Variants in HTR1F observed in about 807,000 individuals in gnomAD.
HTR1F encodes 5-hydroxytryptamine receptor 1F.
HTR1F carries 17 observed loss-of-function variants against 24.0 expected under a neutral mutation model. That is an observed-to-expected ratio of 0.71 (90% CI 0.48 to 1.06). The LOEUF is 1.06. HTR1F is among the 50% of genes least tolerant of loss of function. The pLI is 0.00. For missense variants in HTR1F, 391 were observed against 427.8 expected (o/e 0.91, Z 0.76); for synonymous variants, 186 against 156.8 (o/e 1.19, Z -1.39).
intron 2 of HTR1F, among the ~76,000 whole-genome samples, chr3:87,887,961 A>G (rs534688296): frequency 2.8e-3 from 420 of 152,294 alleles, no homozygotes; most frequent in Non-Finnish European, 4.0e-3. Context: ...CAGCAATCCC[A>G]TTACTGGGTA....
chr3:87,843,653 A>G (rs1250943698), intron 2 of HTR1F, among the ~76,000 whole-genome samples: 1 of 147,574 alleles, frequency 6.8e-6, no homozygotes, highest in Non-Finnish European at 1.5e-5. Context: ...AGCATTAGGT[A>G]TATCTCCCAG....
intron 2 of HTR1F, among the ~76,000 whole-genome samples, chr3:87,864,215 T>G (rs1279202543): frequency 2.0e-5 from 3 of 152,192 alleles, no homozygotes; most frequent in African/African-American, 7.2e-5. Context: ...TAATTTAACA[T>G]ATTCACAGTT....
intron 2 of HTR1F, among the ~76,000 whole-genome samples, chr3:87,918,820 A>G (rs1044356351): frequency 1.3e-5 from 2 of 152,102 alleles, no homozygotes; most frequent in African/African-American, 4.8e-5. Context: ...TACAAATTCA[A>G]TGCAGTCTCC....
At chr3:87,822,263 G>T (rs1181939894) in intron 2 of HTR1F, among the ~76,000 whole-genome samples, 139 bp downstream of exon 2, 1 of 152,152 alleles carries the variant, frequency 6.6e-6, no homozygotes, top group Admixed American at 6.5e-5. Flanking sequence ...TCCAGGAAAG[G>T]CCAGAGCCAC....
chr3:87,902,543 G>C (rs1256916299), intron 2 of HTR1F, among the ~76,000 whole-genome samples: 2 of 152,084 alleles, frequency 1.3e-5, no homozygotes, highest in African/African-American at 2.4e-5. Context: ...AAAAGATAAA[G>C]ATGGACTTGA....
Position 87,831,440 on chromosome 3 carries a change from G to A in HTR1F, c.-43+9316G>A, listed in dbSNP as rs575112011. On this transcript the variant is annotated intron_variant, in intron 2 of 2. Coordinates refer to ENST00000319595, the MANE Select transcript of HTR1F (RefSeq NM_001322209.2). ...TGCAGTGGCGCCATCTCGGCTCACC[G>A]CAAGCTCAGCCTCCCGGCTTCACGC... Among the ~76,000 whole-genome samples, 6 of 151,302 alleles carry A rather than the reference G, an allele frequency of 4.0e-5. No individual in the cohort carries two copies. In the South Asian group the frequency reaches 1.3e-3, roughly 32 times the overall value.
intron 1 of HTR1F, among the ~76,000 whole-genome samples, chr3:87,815,034 T>A (rs548995762): frequency 6.6e-6 from 1 of 152,292 alleles, no homozygotes; most frequent in Admixed American, 6.5e-5. Context: ...TGTCACTTGT[T>A]ATTTTGTAGC....
intron 2 of HTR1F, among the ~76,000 whole-genome samples, chr3:87,916,646 G>A (rs1276839726): frequency 6.6e-6 from 1 of 152,084 alleles, no homozygotes; most frequent in Non-Finnish European, 1.5e-5. Flanking sequence ...GTCTATGATG[G>A]TAAAAGGTCT....
intron 2 of HTR1F, among the ~76,000 whole-genome samples, chr3:87,957,677 A>G (rs954186024): frequency 3.9e-4 from 59 of 151,308 alleles, no homozygotes; most frequent in African/African-American, 1.4e-3. Flanking sequence ...AAGTTGCCTA[A>G]TTTGTTGACA....
intron 2 of HTR1F, among the ~76,000 whole-genome samples, chr3:87,901,987 T>C (rs1706334357): frequency 6.6e-6 from 1 of 152,064 alleles, no homozygotes; most frequent in Non-Finnish European, 1.5e-5. Flanking sequence ...CTCAATATTA[T>C]AAATATATTA....
At chr3:87,920,553 C>T (rs1425512833) in intron 2 of HTR1F, among the ~76,000 whole-genome samples, 1 of 151,730 alleles carries the variant, frequency 6.6e-6, no homozygotes, top group African/African-American at 2.4e-5. Context: ...ACACGTAAAA[C>T]AGTAAGGTAG....
chr3:87,904,783 C>T (rs528348223), intron 2 of HTR1F, among the ~76,000 whole-genome samples: 1 of 151,898 alleles, frequency 6.6e-6, no homozygotes, highest in African/African-American at 2.4e-5. Context: ...TTTCAAATAC[C>T]AGTAAGCTAA....
At chr3:87,947,480 T>C (rs1704736591) in intron 2 of HTR1F, among the ~76,000 whole-genome samples, 1 of 152,178 alleles carries the variant, frequency 6.6e-6, no homozygotes, top group Non-Finnish European at 1.5e-5. Context: ...AAGAGGACTA[T>C]TTTCATATAC....
At chr3:87,981,798 T>C (rs933399726) in intron 2 of HTR1F, among the ~76,000 whole-genome samples, 9 of 152,214 alleles carry the variant, frequency 5.9e-5, no homozygotes, top group African/African-American at 1.7e-4. Context: ...TTCTCTAAGA[T>C]TGTCATTGTT....
intron 2 of HTR1F, among the ~76,000 whole-genome samples, chr3:87,967,781 C>A (rs1375552000): frequency 2.6e-5 from 4 of 152,188 alleles, no homozygotes; most frequent in African/African-American, 9.7e-5. Flanking sequence ...GTCTATTAAA[C>A]CTCTTTTTCT....
intron 2 of HTR1F, among the ~76,000 whole-genome samples, chr3:87,843,941 G>C (rs1704874300): frequency 2.0e-5 from 3 of 151,284 alleles, no homozygotes; most frequent in African/African-American, 7.4e-5. Flanking sequence ...TGGACATTTG[G>C]GTTGGTTCCA....
intron 2 of HTR1F, among the ~76,000 whole-genome samples, chr3:87,916,250 C>T (rs1703889093): frequency 7.0e-6 from 1 of 143,078 alleles, no homozygotes; most frequent in Admixed American, 7.3e-5. Flanking sequence ...AAAAGGACCT[C>T]TTTAAAGCAT....
chr3:87,959,463 C>T (rs1299956972), intron 2 of HTR1F, among the ~76,000 whole-genome samples: 19 of 151,748 alleles, frequency 1.3e-4, no homozygotes. Flanking sequence ...TGTATTATTT[C>T]TAGTAGAAAT....
At chr3:87,986,592 C>T (rs1313712893) in intron 2 of HTR1F, among the ~76,000 whole-genome samples, 1 of 152,166 alleles carries the variant, frequency 6.6e-6, no homozygotes, top group African/African-American at 2.4e-5. Flanking sequence ...TTAAGCTTGT[C>T]AATTTTGCTA....
Sources: allele counts gnomAD v4.1 joint callset (sites outside exome capture counted in the v4.1 genomes callset), GRCh38; gene constraint gnomAD v4.1.1; transcripts MANE v1.5; gene names NCBI Gene and HGNC (gene_info 2026-07-23, HGNC 2026-07-21).